ATAD2B: variants seen among roughly 807,000 people sequenced by gnomAD.
ATAD2B encodes the protein ATPase family AAA domain containing 2B, also known as ATPase family AAA domain-containing protein 2B.
In ATAD2B, 40 loss-of-function variants were observed where a neutral mutation model predicts 167.6. The observed-to-expected ratio is 0.24, with a 90% CI of 0.19 to 0.31. The LOEUF (loss-of-function observed/expected upper bound fraction) is 0.31. Among genes scored for constraint, ATAD2B ranks in the 10% least tolerant of loss-of-function variants. The pLI, the probability that ATAD2B is intolerant of heterozygous loss-of-function variation, is 1.00. For synonymous variants in ATAD2B, 579 were observed against 596.5 expected, an observed-to-expected ratio of 0.97 and a Z score of 0.43; for missense variants, 1,242 against 1,757.2, an observed-to-expected ratio of 0.71 and a Z score of 5.24.
chr2:23,870,271 G>A (rs934824952), intron 8 of ATAD2B, among the ~76,000 whole-genome samples: 3 of 145,252 alleles, frequency 2.1e-5, no homozygotes, highest in Non-Finnish European at 4.5e-5. Flanking sequence ...TTCAGGAAGG[G>A]AGTCAGTAAC....
At chr2:23,886,418 T>C (rs1243949039) in intron 4 of ATAD2B, among the ~76,000 whole-genome samples, 1 of 152,146 alleles carries the variant, frequency 6.6e-6, no homozygotes, top group Non-Finnish European at 1.5e-5. Flanking sequence ...TATGAATAAT[T>C]ATCAGATACA....
chr2:23,788,010 T>C (rs938972196), intron 20 of ATAD2B, among the ~76,000 whole-genome samples: 1 of 152,074 alleles, frequency 6.6e-6, no homozygotes, highest in African/African-American at 2.4e-5. Context: ...CAGGATAGAT[T>C]TTCAAATGGC....
intron 6 of ATAD2B, among the ~76,000 whole-genome samples, chr2:23,884,030 G>C (rs1210502879): frequency 2.0e-5 from 3 of 152,074 alleles, no homozygotes; most frequent in African/African-American, 4.8e-5. Context: ...TGTAATACTA[G>C]GTACTCGAAA....
At chr2:23,785,221 C>G (rs55657921) in intron 21 of ATAD2B, among the ~76,000 whole-genome samples, 18,215 of 151,800 alleles carry the variant, frequency 0.12, 1,167 homozygotes, top group Middle Eastern at 0.22. Flanking sequence ...AACATTAAAC[C>G]CTGAATCACC....
chr2:23,684,737 CG>C, the ATAD2B span, among the ~76,000 whole-genome samples: 2 of 152,188 alleles, frequency 1.3e-5, no homozygotes, highest in Non-Finnish European at 2.9e-5. This position sits in a 1 kb window ranked among gnomAD's most constrained non-coding sequence, Gnocchi z 4.4. Context: ...GCCCAGCACC[CG>C]CCCCCACCCA....
At chr2:23,775,718 C>T (rs1440335164) in intron 22 of ATAD2B, among the ~76,000 whole-genome samples, 2 of 152,146 alleles carry the variant, frequency 1.3e-5, no homozygotes. Flanking sequence ...ACCCATATTT[C>T]CTAGAAAAGG....
intron 15 of ATAD2B, among the ~76,000 whole-genome samples, chr2:23,825,132 T>G (rs1247012535): frequency 8.4e-6 from 1 of 118,994 alleles, no homozygotes; most frequent in Admixed American, 8.7e-5. Flanking sequence ...TTTTTTTTTG[T>G]AGAGATAGGG....
intron 13 of ATAD2B, among the ~76,000 whole-genome samples, chr2:23,841,120 G>A (rs1322010821): frequency 5.5e-5 from 1 of 18,126 alleles, no homozygotes; most frequent in Non-Finnish European, 1.2e-4. Flanking sequence ...TTTTTTTTTT[G>A]TACAGATGGG....
chr2:23,885,898 A>G (rs1698597804), intron 4 of ATAD2B, 69 bp from the exon 5 acceptor site: 1 of 920,676 alleles, frequency 1.1e-6, no homozygotes. Flanking sequence ...GCTCTTTGTG[A>G]AAGTGTAATC....
intron 9 of ATAD2B, among the ~76,000 whole-genome samples, chr2:23,868,505 C>A (rs1422047546): frequency 6.6e-6 from 1 of 152,202 alleles, no homozygotes; most frequent in Non-Finnish European, 1.5e-5. Context: ...GTTGCCTAGG[C>A]TGGTCTCAAA....
chr2:23,703,956 A>G, the ATAD2B span: 1 of 1,362,672 alleles, frequency 7.3e-7, no homozygotes, highest in African/African-American at 1.4e-5. Flanking sequence ...CAGTGACCAT[A>G]GCAATTCCCA....
the ATAD2B span, among the ~76,000 whole-genome samples, chr2:23,701,320 C>T: frequency 3.9e-5 from 6 of 152,338 alleles, no homozygotes; most frequent in South Asian, 4.1e-4. Flanking sequence ...TCCAACTAGT[C>T]TCCCCGCTTC....
intron 14 of ATAD2B, among the ~76,000 whole-genome samples, chr2:23,830,350 C>G (rs1688851136): frequency 6.6e-6 from 1 of 152,166 alleles, no homozygotes; most frequent in African/African-American, 2.4e-5. Context: ...TATCCACCAC[C>G]AACGGTAAGA....
intron 17 of ATAD2B, among the ~76,000 whole-genome samples, chr2:23,819,158 T>G (rs752588056): frequency 1.3e-5 from 2 of 152,054 alleles, no homozygotes; most frequent in Non-Finnish European, 2.9e-5. Context: ...AGGGTAAGCT[T>G]TCCTCTGCCT....
intron 19 of ATAD2B, among the ~76,000 whole-genome samples, chr2:23,796,563 G>C (rs533284288): frequency 1.3e-5 from 2 of 152,194 alleles, no homozygotes; most frequent in African/African-American, 4.8e-5. Flanking sequence ...AATTTTCAGG[G>C]AATATTCCCT....
the ATAD2B span, among the ~76,000 whole-genome samples, chr2:23,682,736 T>C: frequency 6.6e-6 from 1 of 151,840 alleles, no homozygotes; most frequent in African/African-American, 2.4e-5. The surrounding 1 kb of genome is among the most constrained non-coding windows in gnomAD (Gnocchi z 4.1). Context: ...TGTTGGTCTC[T>C]GTCTGTAGCT....
At chr2:23,813,398 T>C (rs993126697) in intron 17 of ATAD2B, among the ~76,000 whole-genome samples, 6 of 150,430 alleles carry the variant, frequency 4.0e-5, no homozygotes, top group African/African-American at 1.5e-4. Context: ...TATAAGAATT[T>C]ATATTTTCTT....
chr2:23,890,372 T>C (rs936869954), intron 2 of ATAD2B, among the ~76,000 whole-genome samples: 2 of 152,130 alleles, frequency 1.3e-5, no homozygotes, highest in African/African-American at 4.8e-5. Flanking sequence ...TAATATACTA[T>C]CTTGGAGAAA....
intron 1 of ATAD2B, among the ~76,000 whole-genome samples, chr2:23,911,564 C>T (rs1035483230): frequency 3.0e-5 from 4 of 134,176 alleles, no homozygotes; most frequent in Non-Finnish European, 4.6e-5. Flanking sequence ...CAAAAAGAAA[C>T]GAGAAGAAGA....
Sources: allele counts gnomAD v4.1 joint callset (sites outside exome capture counted in the v4.1 genomes callset), GRCh38; gene constraint gnomAD v4.1.1; non-coding constraint Gnocchi (gnomAD v3.1); transcripts MANE v1.5; gene names NCBI Gene and HGNC (gene_info 2026-07-23, HGNC 2026-07-21).